The following AGTPBP1 variants were observed in gnomAD, a reference collection of about 807,000 sequenced individuals.
AGTPBP1 encodes cytosolic carboxypeptidase 1.
Under a neutral mutation model 143.9 loss-of-function variants are expected in AGTPBP1, and 70 were observed. That is an observed-to-expected ratio of 0.49 (90% CI 0.40 to 0.59). The LOEUF (loss-of-function observed/expected upper bound fraction) is 0.59. Among genes scored for constraint, AGTPBP1 ranks in the 20% least tolerant of loss-of-function variants. The pLI is 0.00. For synonymous variants in AGTPBP1, 463 were observed against 500.2 expected (o/e 0.93, Z 0.99); for missense variants, 1,229 against 1,464.5 (o/e 0.84, Z 2.62).
chr9:85,619,189 A>C (rs778438465), intron 16 of AGTPBP1, 26 bp downstream of exon 16: 2 of 1,610,238 alleles, frequency 1.2e-6, no homozygotes, highest in East Asian at 4.5e-5. Flanking sequence ...TGCACATACA[A>C]AATGAGAAAA....
rs747668168 is a variant in AGTPBP1 at position 85,642,841 on chromosome 9, C to T, written c.1288G>A (p.Val430Ile). Residue 430 changes from valine (V) to isoleucine (I), a missense_variant, in exon 13 of 26, where the codon GTT becomes ATT. Val to Ile is a conservative substitution (Grantham distance 29). Around this residue, in one of 2 missense-constraint regions of AGTPBP1, gnomAD observed 743 missense variants for 812.2 expected, o/e 0.91. Coordinates refer to ENST00000357081, the MANE Select transcript of AGTPBP1 (RefSeq NM_001330701.2). ...TATATTTATACCTGAAAATCATCAA[C>T]AAGCTCAGGGAAAAGGTGTTCATAC... ...KMYEHLFPELVDDFQDYDLIS... is the reference protein window; with the variant it reads ...KMYEHLFPELIDDFQDYDLIS... The T allele has an allele frequency of 1.2e-6, 2 of 1,605,744 alleles. No homozygotes were observed. The highest frequency in any genetic ancestry group is 2.7e-5 in the African/African-American group (2 of 74,348).
chr9:85,740,550 T>C (rs1478282497), intron 1 of AGTPBP1, among the ~76,000 whole-genome samples: 2 of 152,240 alleles, frequency 1.3e-5, no homozygotes, highest in Non-Finnish European at 2.9e-5. Context: ...AAATAAATCA[T>C]TTCTTTTTTG....
intron 14 of AGTPBP1, 21 bp downstream of exon 14, chr9:85,632,641 G>T: frequency 6.5e-7 from 1 of 1,544,556 alleles, no homozygotes; most frequent in Non-Finnish European, 8.7e-7. Flanking sequence ...ATTTAGAAGA[G>T]GGAAGAAATA....
intron 1 of AGTPBP1, 32 bp downstream of exon 1, chr9:85,741,743 C>G: frequency 7.8e-7 from 1 of 1,288,338 alleles, no homozygotes; most frequent in Non-Finnish European, 9.8e-7. Flanking sequence ...GGACGGCCGG[C>G]CGGGACATGA....
chr9:85,665,800 A>G (rs887017497), intron 8 of AGTPBP1, among the ~76,000 whole-genome samples: 5 of 152,084 alleles, frequency 3.3e-5, no homozygotes, highest in African/African-American at 1.2e-4. Flanking sequence ...TATGTTTCTT[A>G]TTATTTCCAG....
chr9:85,648,059 C>T (rs1400385345), intron 11 of AGTPBP1, among the ~76,000 whole-genome samples: 1 of 152,124 alleles, frequency 6.6e-6, no homozygotes. Context: ...AGCAGGATAG[C>T]ACAGGGGTTC....
chr9:85,717,378 C>A (rs776002810), intron 1 of AGTPBP1, among the ~76,000 whole-genome samples: 1 of 152,102 alleles, frequency 6.6e-6, no homozygotes, highest in East Asian at 1.9e-4. Flanking sequence ...GGCATACACC[C>A]GTAGTCCCAG....
At chr9:85,792,475 G>A in the AGTPBP1 span, among the ~76,000 whole-genome samples, 1 of 152,186 alleles carries the variant, frequency 6.6e-6, no homozygotes, top group Admixed American at 6.5e-5. Context: ...TTCCATTCAA[G>A]GCCTGGGGCT....
chr9:85,625,930 A>G (rs1240174124), intron 14 of AGTPBP1, among the ~76,000 whole-genome samples: 5 of 137,288 alleles, frequency 3.6e-5, no homozygotes, highest in African/African-American at 8.1e-5. Flanking sequence ...TTTTTAGGAT[A>G]TATGAAAAAA....
intron 6 of AGTPBP1, among the ~76,000 whole-genome samples, chr9:85,673,991 C>T (rs1338520055): frequency 1.3e-5 from 2 of 151,384 alleles, no homozygotes; most frequent in East Asian, 1.9e-4. Context: ...GGCGTGGTGG[C>T]GGGCGCCTGC....
chr9:85,598,728 A>T (rs557151469), intron 17 of AGTPBP1, among the ~76,000 whole-genome samples: 15 of 152,050 alleles, frequency 9.9e-5, no homozygotes, highest in Non-Finnish European at 1.5e-4. Context: ...TATTATTATT[A>T]TTTTTTTCCA....
intron 17 of AGTPBP1, among the ~76,000 whole-genome samples, chr9:85,604,567 C>T (rs990044055): frequency 3.9e-5 from 6 of 152,048 alleles, no homozygotes; most frequent in Non-Finnish European, 8.8e-5. Context: ...TCTTCAATGC[C>T]CAAACACCAA....
At chr9:85,629,577 T>G (rs192387225) in intron 14 of AGTPBP1, among the ~76,000 whole-genome samples, 1 of 152,100 alleles carries the variant, frequency 6.6e-6, no homozygotes, top group Non-Finnish European at 1.5e-5. Flanking sequence ...AGGACAGAGG[T>G]CACCAGAGCT....
intron 2 of AGTPBP1, among the ~76,000 whole-genome samples, chr9:85,704,819 A>G (rs1253454814): frequency 6.6e-6 from 1 of 152,218 alleles, no homozygotes; most frequent in African/African-American, 2.4e-5. Flanking sequence ...GGATATTAAA[A>G]TAGGTGTTGT....
chr9:85,745,722 G>A (rs959814718), upstream of AGTPBP1, among the ~76,000 whole-genome samples: 1 of 152,208 alleles, frequency 6.6e-6, no homozygotes. Flanking sequence ...TAAAGGCCAG[G>A]TGTGGTGGCT....
chr9:85,642,970 C>G (rs1832588628), intron 12 of AGTPBP1, 27 bp from the exon 13 acceptor site: 1 of 1,519,326 alleles, frequency 6.6e-7, no homozygotes, highest in African/African-American at 1.4e-5. Context: ...AGTATGTTAT[C>G]AGGTAAAACA....
rs1017011138 is a variant in AGTPBP1 at position 85,692,965 on chromosome 9, A to G, written c.33-152T>C. 4.2e-5 allele frequency: 33 copies of G among 789,082 alleles called. 3 individuals carry two copies. In the South Asian group the frequency reaches 6.5e-4, roughly 15 times the overall value. The allele number at this position is 789,082 out of a possible 1,614,324, so 48.9% of individuals were successfully genotyped here. A position where few individuals can be genotyped will look rare whatever the true frequency, so the allele number is the denominator to read the frequency against. ...CTTACTCTGTTCTATAGCTTAATAT[A>G]GCTTAATATTGTTCTATAGCTTAAA... is the stretch of plus-strand genomic sequence containing the variant. On this transcript the variant is annotated intron_variant, in intron 2 of 25. Transcript: ENST00000357081.
At chr9:85,751,270 G>A in the AGTPBP1 span, among the ~76,000 whole-genome samples, 1 of 152,154 alleles carries the variant, frequency 6.6e-6, no homozygotes, top group Non-Finnish European at 1.5e-5. Flanking sequence ...TTCTATCAGT[G>A]CTTCTGAAAT....
rs1353461498 is a variant in AGTPBP1, at chr9:85,671,685, T to C, written c.568+865A>G. On this transcript the variant is annotated intron_variant, in intron 7 of 25. Transcript: ENST00000357081. ...CCACTTCAATTCTGCAATCAGAGAA[T>C]AGAAAAAAAAATCCACACCTCATGC... Among the ~76,000 whole-genome samples the C allele has an allele frequency of 4.6e-5, 7 of 151,614 alleles. No homozygotes were observed. The South Asian group carries it at 1.0e-3, about 22-fold the overall frequency.
Sources: allele counts gnomAD v4.1 joint callset (sites outside exome capture counted in the v4.1 genomes callset), GRCh38; gene constraint gnomAD v4.1.1; regional missense constraint gnomAD v4.1.1; transcripts MANE v1.5; gene names NCBI Gene and HGNC (gene_info 2026-07-23, HGNC 2026-07-21).